Variants in PTPN4 observed in about 807,000 individuals in gnomAD.
PTPN4 encodes the protein protein tyrosine phosphatase non-receptor type 4.
A neutral mutation model predicts 135.5 loss-of-function variants in PTPN4; 49 were observed. That is an observed-to-expected ratio of 0.36 (90% CI 0.29 to 0.46). The LOEUF is 0.46. PTPN4 is among the 20% of genes least tolerant of loss of function. PTPN4 has a pLI of 1.00. For synonymous variants in PTPN4, 333 were observed against 369.9 expected (o/e 0.90, Z 1.14); for missense variants, 860 against 1,101.0 (o/e 0.78, Z 3.10).
intron 2 of PTPN4, 21 bp from the exon 3 acceptor site, chr2:119,862,515 A>AG (rs754215596): frequency 1.4e-6 from 2 of 1,399,934 alleles, no homozygotes; most frequent in South Asian, 2.4e-5. Context: ...GATTTCATTC[A>AG]ATTTTTTTTT....
chr2:119,853,220 A>C (rs1281242112), intron 2 of PTPN4, among the ~76,000 whole-genome samples: 1 of 152,220 alleles, frequency 6.6e-6, no homozygotes, highest in East Asian at 1.9e-4. Context: ...AATTGCTGAG[A>C]GAGGGATGTT....
At chr2:119,821,953 A>G (rs1439694921) in intron 2 of PTPN4, among the ~76,000 whole-genome samples, 1 of 152,134 alleles carries the variant, frequency 6.6e-6, no homozygotes, top group Non-Finnish European at 1.5e-5. Context: ...TATTGTTTGT[A>G]GACATTTAAA....
At chr2:119,853,358 C>T (rs2104981316) in intron 2 of PTPN4, among the ~76,000 whole-genome samples, 1 of 152,086 alleles carries the variant, frequency 6.6e-6, no homozygotes, top group South Asian at 2.1e-4. Context: ...TTCTGTTTTA[C>T]TTTTTCTGCT....
At chr2:119,810,954 T>C (rs954511335) in intron 2 of PTPN4, among the ~76,000 whole-genome samples, 2 of 152,214 alleles carry the variant, frequency 1.3e-5, no homozygotes, top group Non-Finnish European at 2.9e-5. Context: ...ACTGGAATTC[T>C]TATTCTTCAG....
At chr2:119,875,466 C>T (rs1371683112) in intron 3 of PTPN4, among the ~76,000 whole-genome samples, 1 of 152,086 alleles carries the variant, frequency 6.6e-6, no homozygotes, top group Non-Finnish European at 1.5e-5. Context: ...TGATTGTAGA[C>T]AGTCATTAAA....
intron 1 of PTPN4, among the ~76,000 whole-genome samples, chr2:119,790,808 T>C (rs967378476): frequency 1.3e-5 from 2 of 152,178 alleles, no homozygotes; most frequent in African/African-American, 4.8e-5. Context: ...AAATTTGTCA[T>C]TTTATTTCTA....
At chr2:119,770,061 T>G (rs933497031) in intron 1 of PTPN4, among the ~76,000 whole-genome samples, 1 of 152,180 alleles carries the variant, frequency 6.6e-6, no homozygotes, top group Non-Finnish European at 1.5e-5. Flanking sequence ...AAATTGGAGG[T>G]GACTTTAGAG....
At chr2:119,867,282 C>A (rs1280683544) in intron 3 of PTPN4, among the ~76,000 whole-genome samples, 3 of 152,000 alleles carry the variant, frequency 2.0e-5, no homozygotes, top group Non-Finnish European at 4.4e-5. Context: ...AACTAATAGA[C>A]AGTTGGGAGA....
At chr2:119,940,559 G>T (rs1251624588) in intron 15 of PTPN4, among the ~76,000 whole-genome samples, 1 of 152,088 alleles carries the variant, frequency 6.6e-6, no homozygotes, top group Non-Finnish European at 1.5e-5. Flanking sequence ...GTTCTTGAAT[G>T]ATCTTCCCAT....
intron 1 of PTPN4, among the ~76,000 whole-genome samples, chr2:119,797,650 T>C (rs1253095282): frequency 1.3e-5 from 2 of 152,242 alleles, no homozygotes; most frequent in Non-Finnish European, 1.5e-5. Context: ...CATATGGTCA[T>C]GTCATTTGTC....
intron 1 of PTPN4, among the ~76,000 whole-genome samples, chr2:119,796,370 C>G (rs949446320): frequency 6.6e-6 from 1 of 152,230 alleles, no homozygotes; most frequent in African/African-American, 2.4e-5. Flanking sequence ...CCACTGGACT[C>G]TCATCCCCAG....
intron 1 of PTPN4, among the ~76,000 whole-genome samples, chr2:119,780,079 CT>C (rs1387251960): frequency 6.6e-6 from 1 of 151,926 alleles, no homozygotes; most frequent in African/African-American, 2.4e-5. Context: ...TTCCTCACAA[CT>C]TTTTATTTTG....
At chr2:119,882,336 T>C (rs1678092436) in intron 7 of PTPN4, among the ~76,000 whole-genome samples, 167 bp from the exon 8 acceptor site, 1 of 152,164 alleles carries the variant, frequency 6.6e-6, no homozygotes, top group Non-Finnish European at 1.5e-5. Context: ...TCCTCTGAAA[T>C]TGAGACCAAG....
At chr2:119,868,616 G>A (rs894304378) in intron 3 of PTPN4, among the ~76,000 whole-genome samples, 1 of 152,196 alleles carries the variant, frequency 6.6e-6, no homozygotes, top group Non-Finnish European at 1.5e-5. Context: ...CCCACCCAGG[G>A]CGGAAAACCG....
At chr2:119,787,259 C>T (rs1456998253) in intron 1 of PTPN4, among the ~76,000 whole-genome samples, 2 of 152,132 alleles carry the variant, frequency 1.3e-5, no homozygotes, top group Non-Finnish European at 2.9e-5. Context: ...TGGGGAAGGA[C>T]ATTGAGGGAA....
chr2:119,972,896 T>A (rs1308470183), intron 26 of PTPN4, among the ~76,000 whole-genome samples: 1 of 152,180 alleles, frequency 6.6e-6, no homozygotes, highest in East Asian at 1.9e-4. Flanking sequence ...CTGAGATAAA[T>A]CTCACTTGGA....
chr2:119,930,616 T>C (rs1678890543), intron 13 of PTPN4, among the ~76,000 whole-genome samples: 1 of 152,180 alleles, frequency 6.6e-6, no homozygotes, highest in South Asian at 2.1e-4. Context: ...GTACACATAA[T>C]AACAATTTGT....
chr2:119,963,696 T>C (rs1679404015), intron 24 of PTPN4, among the ~76,000 whole-genome samples: 1 of 152,162 alleles, frequency 6.6e-6, no homozygotes, highest in African/African-American at 2.4e-5. Context: ...ATTTCAAAAT[T>C]TTATGGGCTA....
chr2:119,832,988 T>C (rs1677240516), intron 2 of PTPN4, among the ~76,000 whole-genome samples: 1 of 152,216 alleles, frequency 6.6e-6, no homozygotes, highest in South Asian at 2.1e-4. Flanking sequence ...GCTTTCAATG[T>C]CAGATGATTT....
Sources: gnomAD v4.1 joint callset for allele counts (sites outside exome capture counted in the v4.1 genomes callset) on GRCh38, gnomAD v4.1.1 for gene constraint, MANE v1.5 for transcripts, NCBI Gene and HGNC (gene_info 2026-07-23, HGNC 2026-07-21) for gene names.